CSRNP3: variants seen among roughly 807,000 people sequenced by gnomAD.
CSRNP3 encodes the protein cysteine and serine rich nuclear protein 3, also known as cysteine/serine-rich nuclear protein 3.
CSRNP3 carries 12 observed loss-of-function variants against 48.0 expected under a neutral mutation model. The observed-to-expected ratio is 0.25, with a 90% CI of 0.16 to 0.41. The LOEUF (loss-of-function observed/expected upper bound fraction) is 0.41. Among genes scored for constraint, CSRNP3 ranks in the 10% least tolerant of loss-of-function variants. CSRNP3 has a pLI of 1.00. For missense variants in CSRNP3, 580 were observed against 724.4 expected (o/e 0.80, Z 2.29); for synonymous variants, 263 against 269.7 (o/e 0.98, Z 0.24).
intron 3 of CSRNP3, among the ~76,000 whole-genome samples, chr2:165,569,654 TG>T (rs1175133073): frequency 6.6e-6 from 1 of 152,026 alleles, no homozygotes; most frequent in Non-Finnish European, 1.5e-5. Flanking sequence ...TGTGTTTCTT[TG>T]TTAATTTCAT....
intron 5 of CSRNP3, among the ~76,000 whole-genome samples, chr2:165,666,834 G>A (rs1417567016): frequency 1.4e-5 from 2 of 138,804 alleles, no homozygotes; most frequent in African/African-American, 2.7e-5. Context: ...AAGGAAGGAC[G>A]GAAGGAAGGA....
At chr2:165,673,722 G>A (rs1312413818) in intron 5 of CSRNP3, among the ~76,000 whole-genome samples, 1 of 151,984 alleles carries the variant, frequency 6.6e-6, no homozygotes, top group Non-Finnish European at 1.5e-5. Flanking sequence ...TTAAAAATTA[G>A]GCTGATAACC....
At chr2:165,638,780 G>T (rs959773553) in intron 4 of CSRNP3, among the ~76,000 whole-genome samples, 1 of 152,036 alleles carries the variant, frequency 6.6e-6, no homozygotes, top group Non-Finnish European at 1.5e-5. Context: ...TTTTTTGTCA[G>T]CTTTGTATTC....
chr2:165,585,405 C>T (rs1022213129), intron 3 of CSRNP3, among the ~76,000 whole-genome samples: 2 of 152,150 alleles, frequency 1.3e-5, no homozygotes, highest in South Asian at 2.1e-4. Flanking sequence ...GAGCCACTCA[C>T]AGGTATTATC....
At chr2:165,519,929 T>C (rs1426820681) in intron 3 of CSRNP3, among the ~76,000 whole-genome samples, 2 of 152,106 alleles carry the variant, frequency 1.3e-5, no homozygotes, top group Admixed American at 6.6e-5. Flanking sequence ...ACAAAAGAGA[T>C]AGATGTCACT....
At chr2:165,543,656 T>C (rs889301075) in intron 3 of CSRNP3, among the ~76,000 whole-genome samples, 2 of 152,174 alleles carry the variant, frequency 1.3e-5, no homozygotes, top group East Asian at 3.9e-4. Context: ...GCTTAGTTTT[T>C]CATTTTTAAT....
At chr2:165,571,907 A>G (rs558623993) in intron 3 of CSRNP3, among the ~76,000 whole-genome samples, 1 of 152,242 alleles carries the variant, frequency 6.6e-6, no homozygotes, top group East Asian at 1.9e-4. Flanking sequence ...AGGAAACAGC[A>G]ATTATCTTTT....
chr2:165,666,494 G>GAA, intron 5 of CSRNP3, among the ~76,000 whole-genome samples: 1 of 40,468 alleles, frequency 2.5e-5, no homozygotes, highest in African/African-American at 6.2e-5. Flanking sequence ...AGGAAGGAAG[G>GAA]GAGGAAAGAG....
chr2:165,623,577 C>A (rs1053165055), intron 4 of CSRNP3, among the ~76,000 whole-genome samples: 1 of 152,158 alleles, frequency 6.6e-6, no homozygotes, highest in African/African-American at 2.4e-5. Flanking sequence ...CATTTTATAT[C>A]AGGAACTTGA....
At position 165,679,203 on chromosome 2, in the gene CSRNP3, T is replaced by C; in HGVS notation, c.1208T>C (p.Val403Ala). The change falls in exon 7 of 7, where the codon GTT becomes GCT. Residue 403 changes from valine (V) to alanine (A), a missense_variant. Transcript: ENST00000651982. ...GAAGGTTTGGGCACCCATGCCGAAGTTGTCCCTCTTCCTTCAGTTCTTTGT... is the reference window on the plus strand; with the variant it reads ...GAAGGTTTGGGCACCCATGCCGAAGCTGTCCCTCTTCCTTCAGTTCTTTGT... ...FVEGLGTHAEVVPLPSVLCYS... is the reference protein window; with the variant it reads ...FVEGLGTHAEAVPLPSVLCYS... 2 of 1,613,934 alleles carry C rather than the reference T, an allele frequency of 1.2e-6. No homozygotes were observed. The highest frequency in any genetic ancestry group is 1.3e-5 in the African/African-American group (1 of 74,992).
Position 165,665,276 on chromosome 2 carries a change from G to T in CSRNP3, c.408+7256G>T, listed in dbSNP as rs565787976. 1.2e-4 allele frequency among the ~76,000 whole-genome samples: 19 copies of T among 152,170 alleles called. 1 individual carries two copies. The East Asian group carries it at 3.7e-3, about 29-fold the overall frequency. On this transcript the variant is annotated intron_variant, in intron 5 of 6. Transcript: ENST00000651982. ...ATCCTTCATTCCTGGCCTCCTTGTT[G>T]GTACAAAAGAGGCTGAGCATCACTG...
chr2:165,482,947 A>C (rs1410246669), intron 1 of CSRNP3, among the ~76,000 whole-genome samples: 1 of 152,086 alleles, frequency 6.6e-6, no homozygotes, highest in African/African-American at 2.4e-5. Context: ...TCCTGTAATC[A>C]ACCTAAGCCC....
chr2:165,668,184 TA>T (rs1364222595), intron 5 of CSRNP3, among the ~76,000 whole-genome samples: 1 of 152,092 alleles, frequency 6.6e-6, no homozygotes, highest in Non-Finnish European at 1.5e-5. Context: ...ATAAATAAGT[TA>T]AAAGTCAGCT....
At chr2:165,671,144 C>T (rs1022459855) in intron 5 of CSRNP3, among the ~76,000 whole-genome samples, 1 of 152,128 alleles carries the variant, frequency 6.6e-6, no homozygotes, top group Non-Finnish European at 1.5e-5. Flanking sequence ...AAATTGGGCT[C>T]TGTAAGTATG....
chr2:165,647,437 T>G (rs1350017421), intron 4 of CSRNP3, among the ~76,000 whole-genome samples: 2 of 152,212 alleles, frequency 1.3e-5, no homozygotes, highest in African/African-American at 4.8e-5. Context: ...ATGTTCCATA[T>G]GTAAATGTTA....
intron 5 of CSRNP3, among the ~76,000 whole-genome samples, chr2:165,667,127 G>C (rs1455122326): frequency 6.7e-6 from 1 of 149,180 alleles, no homozygotes; most frequent in African/African-American, 2.5e-5. Context: ...AAGAGAGAAA[G>C]AAAGAAAGAG....
chr2:165,609,042 G>A (rs1218825106), intron 4 of CSRNP3, among the ~76,000 whole-genome samples: 1 of 150,750 alleles, frequency 6.6e-6, no homozygotes, highest in East Asian at 2.0e-4. Context: ...GGAAGGCAGA[G>A]CTTGCAGTGA....
chr2:165,559,796 CTT>C (rs11313094), intron 3 of CSRNP3, among the ~76,000 whole-genome samples: 2,851 of 98,290 alleles, frequency 0.029, 14 homozygotes, highest in African/African-American at 0.059. Context: ...TTCTTTCTTT[CTT>C]TTTTTTTTTT....
At chr2:165,554,169 C>T (rs956857205) in intron 3 of CSRNP3, among the ~76,000 whole-genome samples, 4 of 152,154 alleles carry the variant, frequency 2.6e-5, no homozygotes, top group Non-Finnish European at 4.4e-5. Flanking sequence ...TTAAGATGCT[C>T]TTTGCTGCCA....
Sources: allele counts gnomAD v4.1 joint callset (sites outside exome capture counted in the v4.1 genomes callset), GRCh38; gene constraint gnomAD v4.1.1; transcripts MANE v1.5; gene names NCBI Gene and HGNC (gene_info 2026-07-23, HGNC 2026-07-21).